REDIC1: variants seen among roughly 807,000 people sequenced by gnomAD.
The protein encoded by REDIC1 is regulator of DNA class I crossover intermediates 1, also known as HEI10 Interacting Protein 1.
At chr12:39,828,776 C>A in the REDIC1 span, among the ~76,000 whole-genome samples, 1 of 151,758 alleles carries the variant, frequency 6.6e-6, no homozygotes, top group South Asian at 2.1e-4. Flanking sequence ...ACAAGTACAT[C>A]TAGAAATATT....
the REDIC1 span, among the ~76,000 whole-genome samples, chr12:39,857,562 T>C: frequency 1.3e-5 from 2 of 152,202 alleles, no homozygotes; most frequent in Non-Finnish European, 2.9e-5. Context: ...CTTTCTCCCT[T>C]CATCACCATT....
At chr12:39,822,793 TTGAC>T in the REDIC1 span, among the ~76,000 whole-genome samples, 2 of 152,210 alleles carry the variant, frequency 1.3e-5, no homozygotes, top group Admixed American at 1.3e-4. Context: ...AATATTAAGT[TTGAC>T]TGAAAATGAA....
the REDIC1 span, among the ~76,000 whole-genome samples, chr12:39,849,366 T>G: frequency 6.6e-6 from 1 of 152,250 alleles, no homozygotes; most frequent in East Asian, 1.9e-4. Context: ...CCTAAAAGTC[T>G]CAGAGTTAAT....
At chr12:39,651,292 T>G in the REDIC1 span, among the ~76,000 whole-genome samples, 2 of 152,158 alleles carry the variant, frequency 1.3e-5, no homozygotes, top group Non-Finnish European at 2.9e-5. Context: ...CGGTTGACTG[T>G]GGGTTATAGA....
chr12:39,894,972 A>C, the REDIC1 span, among the ~76,000 whole-genome samples: 1 of 152,192 alleles, frequency 6.6e-6, no homozygotes, highest in Admixed American at 6.5e-5. Flanking sequence ...TGTGCTTAAG[A>C]AGCATCATGG....
the REDIC1 span, among the ~76,000 whole-genome samples, chr12:39,750,315 T>C: frequency 1.3e-5 from 2 of 152,256 alleles, no homozygotes. Context: ...CCATTCACAA[T>C]TGCTACAAAG....
At chr12:39,705,628 T>A in the REDIC1 span, among the ~76,000 whole-genome samples, 1 of 152,138 alleles carries the variant, frequency 6.6e-6, no homozygotes, top group Non-Finnish European at 1.5e-5. Context: ...CAAGTGGGAT[T>A]TATCCCTGGG....
chr12:39,899,958 C>T, the REDIC1 span, among the ~76,000 whole-genome samples: 2,725 of 151,950 alleles, frequency 0.018, 94 homozygotes, highest in African/African-American at 0.061. Context: ...ACTGGCAAAC[C>T]GAATCCAGCA....
chr12:39,716,460 A>G, the REDIC1 span, among the ~76,000 whole-genome samples: 1 of 152,014 alleles, frequency 6.6e-6, no homozygotes, highest in Admixed American at 6.6e-5. Context: ...TTCATAAAAT[A>G]TAATGCATAT....
At chr12:39,902,056 A>G in the REDIC1 span, among the ~76,000 whole-genome samples, 2 of 152,014 alleles carry the variant, frequency 1.3e-5, no homozygotes, top group African/African-American at 4.8e-5. Flanking sequence ...CATGGATGAA[A>G]TTGGAAACCA....
the REDIC1 span, among the ~76,000 whole-genome samples, chr12:39,706,932 G>A: frequency 3.3e-5 from 5 of 151,928 alleles, no homozygotes; most frequent in Non-Finnish European, 7.4e-5. Flanking sequence ...AATTCCCCAG[G>A]ACATTCCTTT....
At chr12:39,867,471 A>AAAACAG in the REDIC1 span, among the ~76,000 whole-genome samples, 1 of 152,110 alleles carries the variant, frequency 6.6e-6, no homozygotes, top group African/African-American at 2.4e-5. Flanking sequence ...AACAAAAACA[A>AAAACAG]AAACAAAAAA....
the REDIC1 span, among the ~76,000 whole-genome samples, chr12:39,801,477 C>T: frequency 2.6e-5 from 4 of 152,058 alleles, no homozygotes; most frequent in Non-Finnish European, 5.9e-5. Flanking sequence ...GGGCTGACCT[C>T]ATGACATAGT....
the REDIC1 span, chr12:39,830,086 T>C: frequency 4.3e-6 from 7 of 1,613,280 alleles, no homozygotes; most frequent in Non-Finnish European, 5.1e-6. Context: ...ATTCGTATGG[T>C]AAAATGAGTG....
chr12:39,702,980 C>G, the REDIC1 span, among the ~76,000 whole-genome samples: 19 of 152,168 alleles, frequency 1.2e-4, no homozygotes, highest in African/African-American at 4.6e-4. Context: ...CAGTATCATA[C>G]TGAATGGGCA....
chr12:39,896,279 CATGTATGT>C, the REDIC1 span, among the ~76,000 whole-genome samples: 295 of 79,968 alleles, frequency 3.7e-3, 1 homozygote, highest in Non-Finnish European at 6.3e-3. Context: ...TATATGTATA[CATGTATGT>C]ATATGTGTGT....
At chr12:39,655,441 A>C in the REDIC1 span, among the ~76,000 whole-genome samples, 1 of 152,188 alleles carries the variant, frequency 6.6e-6, no homozygotes, top group Non-Finnish European at 1.5e-5. Flanking sequence ...CATTCAGCCA[A>C]GGATGAGTAG....
the REDIC1 span, among the ~76,000 whole-genome samples, chr12:39,820,620 T>C: frequency 4.6e-5 from 7 of 151,628 alleles, no homozygotes; most frequent in Non-Finnish European, 1.0e-4. Flanking sequence ...ATTTATGCTG[T>C]CCAGCAAAAA....
the REDIC1 span, among the ~76,000 whole-genome samples, chr12:39,811,535 C>G: frequency 6.6e-6 from 1 of 152,068 alleles, no homozygotes; most frequent in Non-Finnish European, 1.5e-5. Flanking sequence ...AAAACATTTT[C>G]TAATTACCTT....
Sources: gnomAD v4.1 joint callset for allele counts (sites outside exome capture counted in the v4.1 genomes callset) on GRCh38, gnomAD v4.1.1 for gene constraint, MANE v1.5 for transcripts, NCBI Gene and HGNC (gene_info 2026-07-23, HGNC 2026-07-21) for gene names.